HRC: variants seen among roughly 807,000 people sequenced by gnomAD.
HRC encodes sarcoplasmic reticulum histidine-rich calcium-binding protein.
In HRC, 41 loss-of-function variants were observed where a neutral mutation model predicts 61.4. The ratio of observed to expected loss-of-function variants is 0.67; its 90% confidence interval spans 0.52 to 0.87. The LOEUF (loss-of-function observed/expected upper bound fraction) is 0.87, where lower values mean the gene tolerates loss of function less well. Ranked by LOEUF, HRC falls within the 40% of genes least tolerant of loss-of-function variation. HRC has a pLI of 0.00. For missense variants in HRC, 839 were observed against 885.8 expected (o/e 0.95, Z 0.67); for synonymous variants, 308 against 326.6 (o/e 0.94, Z 0.62).
At chr19:49,152,130 C>G in intron 3 of HRC, 72 bp from the exon 4 acceptor site, 5 of 1,426,510 alleles carry the variant, frequency 3.5e-6, no homozygotes, top group Non-Finnish European at 4.9e-6. Flanking sequence ...GGGGCCGGGA[C>G]CAGACCCGGA....
At position 49,155,095 on chromosome 19, in the gene HRC, C is replaced by T; in HGVS notation, c.143G>A (p.Gly48Glu). The change falls in exon 1 of 6, where the codon GGG becomes GAG. Residue 48 changes from glycine to glutamate, a missense_variant. By Grantham distance (98) the Gly-to-Glu change is moderately conservative (BLOSUM62 -2). Coordinates refer to ENST00000252825, the MANE Select transcript of HRC (RefSeq NM_002152.3). This position sits in a 1 kb window ranked among gnomAD's most constrained non-coding sequence, Gnocchi z 4.7. The part of the protein sequence containing the change: ...RNRNNSTGVA[G>E]LSEEASAELR... ...CTCTGCTGATGCCTCCTCGGAGAGC[C>T]CGGCGACTCCAGTGCTGTTGTTCCG... 1.2e-6 allele frequency: 2 copies of T among 1,614,156 alleles called. No homozygotes were observed. Among genetic ancestry groups the T allele is most frequent in the Non-Finnish European group, 1.7e-6 (2 of 1,180,034 alleles).
At position 49,154,918 on chromosome 19, in the gene HRC, C is replaced by T; in HGVS notation, c.320G>A (p.Arg107Lys). The T allele has an allele frequency of 1.2e-6, 2 of 1,614,204 alleles. No individual in the cohort carries two copies. The highest frequency in any genetic ancestry group is 1.1e-5 in the South Asian group (1 of 91,082). ...ATCTCCGACTTTGTGGTCTTGGGAC[C>T]TGTGGCCTGGGAGTAGGTGCCCATA... Reference protein sequence around the residue: ...KEYGHLLPGHRSQDHKVGDEG... With the variant: ...KEYGHLLPGHKSQDHKVGDEG... The change falls in exon 1 of 6, where the codon AGG becomes AAG. Residue 107 changes from arginine to lysine, a missense_variant. Transcript: ENST00000252825.
chr19:49,151,453 ACT>A, intron 5 of HRC, 62 bp downstream of exon 5: 5 of 1,594,264 alleles, frequency 3.1e-6, no homozygotes, highest in Non-Finnish European at 4.3e-6. Flanking sequence ...TCATCTGATA[ACT>A]CATAGCGAGA....
chr19:49,151,692 G>C, intron 4 of HRC, 139 bp from the exon 5 acceptor site: 2 of 787,684 alleles, frequency 2.5e-6, no homozygotes, highest in Non-Finnish European at 4.1e-6. Context: ...CCCTTCTACC[G>C]GACCCCTTTT....
rs1428566576 is a variant in HRC at position 49,153,678 on chromosome 19, C to A, written c.1560G>T (p.Glu520Asp). 28 of 1,610,102 alleles carry A rather than the reference C, an allele frequency of 1.7e-5. No individual in the cohort carries two copies. The highest frequency in any genetic ancestry group is 2.3e-5 in the Non-Finnish European group (27 of 1,177,138). The change falls in exon 1 of 6, where the codon GAG (glutamate) becomes GAT (aspartate). Residue 520 changes from glutamate to aspartate, a missense_variant. Glu to Asp is a conservative substitution (Grantham distance 45). Coordinates refer to ENST00000252825, the MANE Select transcript of HRC (RefSeq NM_002152.3). This position sits in a 1 kb window ranked among gnomAD's most constrained non-coding sequence, Gnocchi z 4.8. ...TGAGGCCATGACCTTCCTCCTCATC[C>A]TCCTCATCTTCCTGGTCCCGGCTGC... is the stretch of plus-strand genomic sequence containing the variant. ...HHGSRDQEDE[E>D]DEEEGHGLSL...
At position 49,153,857 on chromosome 19, in the gene HRC, T is replaced by C; in HGVS notation, c.1381A>G (p.Met461Val). 6.2e-7 allele frequency: 1 copy of C among 1,614,144 alleles called. No homozygotes were observed. The highest frequency in any genetic ancestry group is 1.1e-5 in the South Asian group (1 of 91,074). ...GHGQRGSIKE[M>V]SHHPPGHTVV... Reference sequence around the variant, plus strand: ...GTGTGTCCTGGGGGGTGATGGCTCATCTCTTTGATGGACCCTCTTTGACCA... The same window carrying C: ...GTGTGTCCTGGGGGGTGATGGCTCACCTCTTTGATGGACCCTCTTTGACCA... Residue 461 changes from methionine (M) to valine (V), a missense_variant, in exon 1 of 6, where the codon ATG (methionine) becomes GTG (valine). Met to Val is a conservative substitution (Grantham distance 21). Coordinates refer to ENST00000252825, the MANE Select transcript of HRC (RefSeq NM_002152.3). This position sits in a 1 kb window ranked among gnomAD's most constrained non-coding sequence, Gnocchi z 4.8.
At position 49,153,972 on chromosome 19, in the gene HRC, G is replaced by T. The variant is rs754425316; in HGVS notation, c.1266C>A (p.Val422=). ...TEVPHHHHHR[V]PREEDEEVSA... ...AGACCTCCTCATCTTCCTCCCTGGG[G>T]ACTCTGTGGTGGTGATGGTGAGGGA... Residue 422 remains valine, a synonymous_variant, in exon 1 of 6, where the codon GTC becomes GTA. Transcript: ENST00000252825. The surrounding 1 kb of genome is among the most constrained non-coding windows in gnomAD (Gnocchi z 4.8). 5 of 1,613,472 alleles carry T rather than the reference G, an allele frequency of 3.1e-6. No homozygotes were observed. In the South Asian group the frequency reaches 5.5e-5, roughly 18 times the overall value.
chr19:49,151,405 C>T, intron 5 of HRC, 73 bp from the exon 6 acceptor site: 2 of 1,570,924 alleles, frequency 1.3e-6, no homozygotes, highest in Non-Finnish European at 1.7e-6. Context: ...AGATCATTAA[C>T]CTGCCCATTT....
In HRC at chr19:49,153,761, CG is replaced by C; in HGVS notation, c.1476del (p.Gly493AlafsTer38). 6.2e-7 allele frequency: 1 copy of C among 1,614,130 alleles called. No homozygotes were observed. Among genetic ancestry groups the C allele is most frequent in the African/African-American group, 1.3e-5 (1 of 75,018 alleles). On this transcript the variant is annotated frameshift_variant, in exon 1 of 6. Transcript: ENST00000252825. LOFTEE classifies it high-confidence loss of function. The surrounding 1 kb of genome is among the most constrained non-coding windows in gnomAD (Gnocchi z 4.8). ...SEEEKEKEED[P>X]GSHEEDDESS... Reference sequence around the variant, plus strand: ...CTTTCATCGTCTTCCTCATGGGAGCCGGGGTCCTCTTCCTTCTCCTTTTCCT... The same window carrying C: ...CTTTCATCGTCTTCCTCATGGGAGCCGGGTCCTCTTCCTTCTCCTTTTCCT...
chr19:49,153,870 C>A lies in HRC; in HGVS notation c.1368G>T (p.Gly456=), dbSNP rs758034821. 6.2e-7 allele frequency: 1 copy of A among 1,614,124 alleles called. No individual in the cohort carries two copies. Among genetic ancestry groups the A allele is most frequent in the Non-Finnish European group, 8.5e-7 (1 of 1,180,026 alleles). The change falls in exon 1 of 6, where the codon GGG becomes GGT. Residue 456 remains glycine (G), a synonymous_variant. Coordinates refer to ENST00000252825, the MANE Select transcript of HRC (RefSeq NM_002152.3). The surrounding 1 kb of genome is among the most constrained non-coding windows in gnomAD (Gnocchi z 4.8). The part of the protein sequence containing the change: ...QDEETGHGQR[G]SIKEMSHHPP... The stretch of plus-strand genomic sequence containing the variant: ...GGTGATGGCTCATCTCTTTGATGGA[C>A]CCTCTTTGACCATGGCCAGTTTCTT...
intron 4 of HRC, 46 bp downstream of exon 4, chr19:49,151,958 G>A: frequency 6.3e-7 from 1 of 1,587,952 alleles, no homozygotes; most frequent in Non-Finnish European, 8.6e-7. Flanking sequence ...ACCACGCTGG[G>A]CCCGGCACCT....
Position 49,152,151 on chromosome 19 carries a change from G to A in HRC, c.1972-93C>T, listed in dbSNP as rs1281727171. The A allele has an allele frequency of 4.5e-6, 6 of 1,329,524 alleles. No homozygotes were observed. The African/African-American group carries it at 7.2e-5, about 16-fold the overall frequency. 82.4% of individuals were successfully genotyped at this position (1,329,524 alleles called of 1,614,324 possible). On this transcript the variant is annotated intron_variant, in intron 3 of 5. Transcript: ENST00000252825. The stretch of plus-strand genomic sequence containing the variant: ...GGGACCAGACCCGGACCAGAGGCTA[G>A]GTCTAGGTTAAGGTTGGAGTCAGGA...
At position 49,153,656 on chromosome 19, in the gene HRC, G is replaced by A; in HGVS notation, c.1582C>T (p.Leu528Phe). 6.3e-7 allele frequency: 1 copy of A among 1,590,036 alleles called. No individual in the cohort carries two copies. The highest frequency in any genetic ancestry group is 8.6e-7 in the Non-Finnish European group (1 of 1,159,484). ...DEEDEEEGHG[L>F]SLNQEEEEEE... ...TCTTCCTCCTCCTGGTTCAGGCTGA[G>A]GCCATGACCTTCCTCCTCATCCTCC... The change falls in exon 1 of 6, where the codon CTC (leucine) becomes TTC (phenylalanine). Residue 528 changes from leucine (L) to phenylalanine (F), a missense_variant. Leu to Phe is a conservative substitution (Grantham distance 22). Transcript: ENST00000252825. This position sits in a 1 kb window ranked among gnomAD's most constrained non-coding sequence, Gnocchi z 4.8.
rs980426401 is a variant in HRC, at chr19:49,151,202, G to A, written c.*94C>T. 4 of 1,131,906 alleles carry A rather than the reference G, an allele frequency of 3.5e-6. No individual in the cohort carries two copies. Among genetic ancestry groups the A allele is most frequent in the Non-Finnish European group, 3.8e-6 (3 of 797,730 alleles). The allele number at this position is 1,131,906 out of a possible 1,614,324, so 70.1% of individuals were successfully genotyped here. On this transcript the variant is annotated 3_prime_UTR_variant, in exon 6 of 6. Transcript: ENST00000252825. ...ACCCCACGTCTGACAATGAGGTTTC[G>A]GGGAGCACGTTTATTCGGAGAAATA...
rs1478731702 is a variant in HRC, at chr19:49,154,776, G to T, written c.462C>A (p.Ser154Arg). The T allele has an allele frequency of 6.2e-7, 1 of 1,613,970 alleles. No individual in the cohort carries two copies. Among genetic ancestry groups the T allele is most frequent in the African/African-American group, 1.3e-5 (1 of 74,892 alleles). ...DSAEHRHHLP[S>R]HRSHSHQDED... ...CGTCTTGATGGCTGTGGCTCCTGTG[G>T]CTGGGGAGGTGGTGCCTGTGCTCAG... is the stretch of plus-strand genomic sequence containing the variant. Residue 154 changes from serine (S) to arginine (R), a missense_variant, in exon 1 of 6, where the codon AGC becomes AGA. By Grantham distance (110) the Ser-to-Arg change is moderately radical. Coordinates refer to ENST00000252825, the MANE Select transcript of HRC (RefSeq NM_002152.3).
intron 4 of HRC, 173 bp downstream of exon 4, chr19:49,151,831 C>CCA (rs2041362433): frequency 2.9e-6 from 2 of 685,600 alleles, no homozygotes; most frequent in East Asian, 5.4e-5. Flanking sequence ...TCCAGCAACT[C>CCA]CACCTGGTGT....
rs150731204 is a variant in HRC at position 49,155,119 on chromosome 19, C to T, written c.119G>A (p.Arg40Gln). The T allele has an allele frequency of 8.4e-5, 136 of 1,614,082 alleles. No homozygotes were observed. Among genetic ancestry groups the T allele is most frequent in the Non-Finnish European group, 1.1e-4 (129 of 1,180,034 alleles). Residue 40 changes from arginine to glutamine, a missense_variant, in exon 1 of 6, where the codon CGG becomes CAG. Physicochemically the swap from Arg to Gln is conservative, Grantham distance 43. Coordinates refer to ENST00000252825, the MANE Select transcript of HRC (RefSeq NM_002152.3). This position sits in a 1 kb window ranked among gnomAD's most constrained non-coding sequence, Gnocchi z 4.7. Reference sequence around the variant, plus strand: ...CCCGGCGACTCCAGTGCTGTTGTTCCGGTTTCTGAAGCCTAGCCCATCCCC... The same window carrying T: ...CCCGGCGACTCCAGTGCTGTTGTTCTGGTTTCTGAAGCCTAGCCCATCCCC... ...LRGDGLGFRN[R>Q]NNSTGVAGLS...
intron 4 of HRC, 31 bp from the exon 5 acceptor site, chr19:49,151,584 G>GGGTA: frequency 6.2e-7 from 1 of 1,611,434 alleles, no homozygotes. Context: ...GAGGCTTGAG[G>GGGTA]GGTACTGCAC....
intron 4 of HRC, 31 bp downstream of exon 4, chr19:49,151,973 C>A: frequency 6.2e-7 from 1 of 1,610,044 alleles, no homozygotes; most frequent in East Asian, 2.2e-5. Context: ...GCACCTTCCT[C>A]AGGTTTTTCC....
Sources: allele counts gnomAD v4.1 joint callset, GRCh38; gene constraint gnomAD v4.1.1; non-coding constraint Gnocchi (gnomAD v3.1); transcripts MANE v1.5; gene names NCBI Gene and HGNC (gene_info 2026-07-23, HGNC 2026-07-21).